The following PRR5L variants were observed in gnomAD, a reference collection of about 807,000 sequenced individuals.
PRR5L encodes the protein proline rich 5 like, also known as proline-rich protein 5-like.
Under a neutral mutation model 36.4 loss-of-function variants are expected in PRR5L, and 21 were observed. The ratio of observed to expected loss-of-function variants is 0.58; its 90% CI spans 0.41 to 0.83. The LOEUF (loss-of-function observed/expected upper bound fraction) is 0.83, where lower values mean the gene tolerates loss of function less well. Among genes scored for constraint, PRR5L ranks in the 40% least tolerant of loss-of-function variants. PRR5L has a pLI of 0.00. For synonymous variants in PRR5L, 188 were observed against 197.0 expected (o/e 0.95, Z 0.38); for missense variants, 381 against 473.3 (o/e 0.80, Z 1.81).
chr11:36,418,783 G>A (rs546028958), intron 3 of PRR5L, among the ~76,000 whole-genome samples: 27 of 152,108 alleles, frequency 1.8e-4, no homozygotes, highest in Non-Finnish European at 3.1e-4. Flanking sequence ...GAGACAGAGC[G>A]AGACTCTGTC....
At chr11:36,316,142 G>C (rs912647335) in intron 1 of PRR5L, among the ~76,000 whole-genome samples, 3 of 152,234 alleles carry the variant, frequency 2.0e-5, no homozygotes, top group Non-Finnish European at 4.4e-5. Context: ...AAATAATTTA[G>C]GCACCGAGGG....
rs1293689397 is a variant in PRR5L at position 36,391,761 on chromosome 11, C to T, written c.-125-9236C>T. Among the ~76,000 whole-genome samples, 3 of 152,300 alleles carry T rather than the reference C, an allele frequency of 2.0e-5. No individual in the cohort carries two copies. The East Asian group carries it at 5.8e-4, about 29-fold the overall frequency. On this transcript the variant is annotated intron_variant, in intron 1 of 8. Coordinates refer to ENST00000530639, the MANE Select transcript of PRR5L (RefSeq NM_001160167.2). ...GATATTTTGGTACAGGCATGCAATG[C>T]ATAATAATCACATCAGGGTAAATGG...
chr11:36,424,617 G>T (rs1858341594), intron 4 of PRR5L, among the ~76,000 whole-genome samples: 1 of 152,310 alleles, frequency 6.6e-6, no homozygotes, highest in South Asian at 2.1e-4. Flanking sequence ...CTTTCTCTGA[G>T]GCTCTTGAAG....
chr11:36,358,278 T>A (rs969431910), intron 1 of PRR5L, among the ~76,000 whole-genome samples: 3 of 152,156 alleles, frequency 2.0e-5, no homozygotes, highest in Admixed American at 6.5e-5. Context: ...GAGTTTTTTG[T>A]GAATGGAAGA....
intron 1 of PRR5L, among the ~76,000 whole-genome samples, chr11:36,310,734 C>T (rs891326109): frequency 1.3e-5 from 2 of 152,096 alleles, no homozygotes; most frequent in Non-Finnish European, 2.9e-5. Flanking sequence ...TGTGGTGGCT[C>T]ACGCCTGTAA....
At chr11:36,452,478 G>A (rs973077549) in intron 8 of PRR5L, among the ~76,000 whole-genome samples, 1 of 152,220 alleles carries the variant, frequency 6.6e-6, no homozygotes, top group African/African-American at 2.4e-5. Flanking sequence ...ACCACAGATC[G>A]GAGGGTGCTG....
At chr11:36,382,189 T>C (rs1434293587) in intron 1 of PRR5L, among the ~76,000 whole-genome samples, 2 of 152,138 alleles carry the variant, frequency 1.3e-5, no homozygotes, top group Non-Finnish European at 2.9e-5. Flanking sequence ...CCAAGGTTGG[T>C]ATCAACTTTT....
chr11:36,389,038 A>G (rs556726781), intron 1 of PRR5L, among the ~76,000 whole-genome samples: 1 of 152,304 alleles, frequency 6.6e-6, no homozygotes, highest in South Asian at 2.1e-4. Flanking sequence ...ACCTTCCAGT[A>G]TATGGGACAC....
At chr11:36,401,353 G>C in intron 2 of PRR5L, 68 bp downstream of exon 2, 1 of 1,474,160 alleles carries the variant, frequency 6.8e-7, no homozygotes, top group Non-Finnish European at 9.3e-7. Flanking sequence ...AGGCATCCGG[G>C]GGCTGACTGA....
intron 1 of PRR5L, among the ~76,000 whole-genome samples, chr11:36,370,619 C>T (rs973920689): frequency 1.5e-4 from 23 of 152,152 alleles, no homozygotes; most frequent in African/African-American, 4.8e-5. Flanking sequence ...AGGTGGCTCA[C>T]GCCTGTAATC....
chr11:36,306,877 T>TAA (rs5791099), intron 1 of PRR5L, among the ~76,000 whole-genome samples: 6 of 151,686 alleles, frequency 4.0e-5, no homozygotes, highest in Non-Finnish European at 8.8e-5. Flanking sequence ...CTCATAGTGC[T>TAA]AAAAAAAAGA....
chr11:36,310,824 C>A (rs1046230178), intron 1 of PRR5L, among the ~76,000 whole-genome samples: 1 of 151,850 alleles, frequency 6.6e-6, no homozygotes. Flanking sequence ...TGGTGAAACC[C>A]CGTCTCTACT....
intron 6 of PRR5L, among the ~76,000 whole-genome samples, chr11:36,441,219 T>A (rs2133611235): frequency 6.6e-6 from 1 of 152,270 alleles, no homozygotes. Flanking sequence ...CAAAGTCTCA[T>A]CTGAGACTCA....
intron 1 of PRR5L, among the ~76,000 whole-genome samples, chr11:36,302,017 G>A (rs750565156): frequency 5.9e-5 from 9 of 152,142 alleles, no homozygotes; most frequent in Non-Finnish European, 1.3e-4. Context: ...TGCAAATATG[G>A]CAAAACGTTA....
In PRR5L at chr11:36,341,143, T is replaced by G. The variant is rs1445541129; in HGVS notation, c.-126+44705T>G. Among the ~76,000 whole-genome samples, 12 of 152,060 alleles carry G rather than the reference T, an allele frequency of 7.9e-5. No homozygotes were observed. The East Asian group carries it at 2.3e-3, about 30-fold the overall frequency. ...CTGGCCTTTATGCCAATATCCACGGTGGTCGCCCATCCTTCCTGAGCCTCC... is the reference window on the plus strand; with the variant it reads ...CTGGCCTTTATGCCAATATCCACGGGGGTCGCCCATCCTTCCTGAGCCTCC... On this transcript the variant is annotated intron_variant, in intron 1 of 8. Coordinates refer to ENST00000530639, the MANE Select transcript of PRR5L (RefSeq NM_001160167.2).
At chr11:36,353,795 A>G (rs1333066120) in intron 1 of PRR5L, among the ~76,000 whole-genome samples, 1 of 152,070 alleles carries the variant, frequency 6.6e-6, no homozygotes, top group East Asian at 1.9e-4. Flanking sequence ...CTTGCCCACC[A>G]CTCACCTCCT....
Position 36,401,252 on chromosome 11 carries a change from C to T in PRR5L, c.131C>T (p.Ala44Val). 1 of 1,613,032 alleles carries T rather than the reference C, an allele frequency of 6.2e-7. No homozygotes were observed. The highest frequency in any genetic ancestry group is 8.5e-7 in the Non-Finnish European group (1 of 1,179,990). The change falls in exon 2 of 9, where the codon GCT becomes GTT. Residue 44 changes from alanine to valine, a missense_variant. By Grantham distance (64) the Ala-to-Val change is moderately conservative (BLOSUM62 0). Coordinates refer to ENST00000530639, the MANE Select transcript of PRR5L (RefSeq NM_001160167.2). ...DLPRFQAARQALQLSSSSAWN... is the reference protein window; with the variant it reads ...DLPRFQAARQVLQLSSSSAWN... The stretch of plus-strand genomic sequence containing the variant: ...CCCCGATTCCAAGCAGCTCGGCAGG[C>T]TCTGCAGCTGAGCTCCAGCTCAGCC...
chr11:36,399,000 G>A (rs920471266), intron 1 of PRR5L, among the ~76,000 whole-genome samples: 41 of 152,210 alleles, frequency 2.7e-4, no homozygotes, highest in African/African-American at 7.7e-4. Context: ...GAATGGCAGC[G>A]AAATGGATCC....
intron 4 of PRR5L, among the ~76,000 whole-genome samples, chr11:36,426,485 T>C (rs1040322393): frequency 2.2e-4 from 33 of 152,222 alleles, no homozygotes; most frequent in African/African-American, 8.0e-4. Flanking sequence ...AGTGCCTGAT[T>C]ACATAGTGAG....
Sources: gnomAD v4.1 joint callset for allele counts (sites outside exome capture counted in the v4.1 genomes callset) on GRCh38, gnomAD v4.1.1 for gene constraint, MANE v1.5 for transcripts, NCBI Gene and HGNC (gene_info 2026-07-23, HGNC 2026-07-21) for gene names.